C7orf57: variants seen among roughly 807,000 people sequenced by gnomAD.
The protein encoded by C7orf57 is uncharacterized protein C7orf57.
C7orf57 carries 33 observed loss-of-function variants against 39.0 expected under a neutral mutation model. The ratio of observed to expected loss-of-function variants is 0.85; its 90% CI spans 0.64 to 1.13. The LOEUF (loss-of-function observed/expected upper bound fraction) is 1.13, where lower values mean the gene tolerates loss of function less well. C7orf57 is among the 50% of genes most tolerant of loss of function. C7orf57 has a pLI of 0.00. For missense variants in C7orf57, 346 were observed against 362.3 expected (o/e 0.95, Z 0.37); for synonymous variants, 124 against 137.1 (o/e 0.90, Z 0.67).
rs1373079788 is a variant in C7orf57 at position 48,035,555 on chromosome 7, C to A, written c.-177C>A. ...GCGCTGGGAGTTTGGGTTTGGTTGG[C>A]TGCAGCCAGCCAGCCGTGTAAAAAC... On this transcript the variant is annotated 5_prime_UTR_variant, in exon 1 of 9. The change creates a new upstream start codon in the 5' untranslated region. Transcript: ENST00000348904. The surrounding 1 kb of genome is among the most constrained non-coding windows in gnomAD (Gnocchi z 4.0). The A allele has an allele frequency of 1.4e-6, 1 of 698,350 alleles. No individual in the cohort carries two copies. The allele number at this position is 698,350 out of a possible 1,614,324, so 43.3% of individuals were successfully genotyped here.
chr7:48,043,295 A>T (rs901003076), intron 3 of C7orf57, among the ~76,000 whole-genome samples, 186 bp from the exon 4 acceptor site: 1 of 152,156 alleles, frequency 6.6e-6, no homozygotes, highest in Non-Finnish European at 1.5e-5. Flanking sequence ...ACAAAGCAGG[A>T]CGCCCACCTG....
intron 8 of C7orf57, among the ~76,000 whole-genome samples, chr7:48,059,559 C>T (rs1286311257): frequency 6.6e-6 from 1 of 152,202 alleles, no homozygotes; most frequent in African/African-American, 2.4e-5. Flanking sequence ...CCATGTGGCC[C>T]AGGCTGGTCT....
Position 48,040,059 on chromosome 7 carries a change from GT to G in C7orf57, c.56-1274del, listed in dbSNP as rs1790502577. Among the ~76,000 whole-genome samples the G allele has an allele frequency of 2.0e-5, 3 of 152,114 alleles. No homozygotes were observed. The South Asian group carries it at 6.2e-4, about 32-fold the overall frequency. ...CCCCAGATCTCTTCTCTCTGTGGGG[GT>G]CATCAATAAACACTGATAACTCCAG... On this transcript the variant is annotated intron_variant, in intron 2 of 8. Coordinates refer to ENST00000348904, the MANE Select transcript of C7orf57 (RefSeq NM_001100159.3).
At chr7:48,055,587 G>A (rs1373170030) in intron 8 of C7orf57, among the ~76,000 whole-genome samples, 1 of 152,006 alleles carries the variant, frequency 6.6e-6, no homozygotes, top group Non-Finnish European at 1.5e-5. Context: ...GGGAAACTTG[G>A]CACCCTTTGA....
At chr7:48,044,165 G>C (rs948595114) in intron 4 of C7orf57, among the ~76,000 whole-genome samples, 3 of 152,186 alleles carry the variant, frequency 2.0e-5, no homozygotes, top group Admixed American at 1.3e-4. Flanking sequence ...TGCCTCCCTG[G>C]ATCAGAAGTG....
chr7:48,047,170 G>A (rs1343611561), intron 5 of C7orf57, among the ~76,000 whole-genome samples: 3 of 152,152 alleles, frequency 2.0e-5, no homozygotes, highest in Non-Finnish European at 4.4e-5. Flanking sequence ...CTGTTGTTGG[G>A]AAGTCTTGAC....
At chr7:48,052,574 G>A in intron 6 of C7orf57, 126 bp from the exon 7 acceptor site, 1 of 729,618 alleles carries the variant, frequency 1.4e-6, no homozygotes, top group Non-Finnish European at 2.3e-6. Context: ...GAAAGACAGA[G>A]AGAGAGAGGT....
At chr7:48,039,930 T>G (rs1176414534) in intron 2 of C7orf57, among the ~76,000 whole-genome samples, 1 of 152,212 alleles carries the variant, frequency 6.6e-6, no homozygotes, top group African/African-American at 2.4e-5. Context: ...GGGTTTTGTT[T>G]CTAAAGTTTT....
Position 48,041,435 on chromosome 7 carries a change from G to A in C7orf57, c.157G>A (p.Glu53Lys), listed in dbSNP as rs374929652. ...GLSNLGDSHS[E>K]NLPGTRRYWI... is the part of the protein sequence containing the mutation. The stretch of plus-strand genomic sequence containing the variant: ...CAGCAATTTGGGAGACTCACACAGC[G>A]AGAACCTGCCTGGGACTCGGAGATA... The change falls in exon 3 of 9, where the codon GAG becomes AAG. Residue 53 changes from glutamate to lysine, a missense_variant. Glu to Lys is a moderately conservative substitution (Grantham distance 56). Transcript: ENST00000348904. 69 of 1,613,972 alleles carry A rather than the reference G, an allele frequency of 4.3e-5. No homozygotes were observed. In the African/African-American group the frequency reaches 8.0e-4, roughly 19 times the overall value.
chr7:48,041,598 T>C, intron 3 of C7orf57, 79 bp downstream of exon 3: 2 of 1,178,618 alleles, frequency 1.7e-6, no homozygotes, highest in Non-Finnish European at 2.3e-6. Flanking sequence ...TTCTTCCATA[T>C]AAAAATATTA....
intron 8 of C7orf57, among the ~76,000 whole-genome samples, chr7:48,055,626 C>T (rs1168235994): frequency 1.3e-5 from 2 of 152,224 alleles, no homozygotes; most frequent in Non-Finnish European, 2.9e-5. Context: ...CCATCAACTA[C>T]TGCCCCATCC....
intron 4 of C7orf57, among the ~76,000 whole-genome samples, chr7:48,044,355 G>T (rs1212771696): frequency 2.0e-5 from 3 of 152,156 alleles, no homozygotes; most frequent in African/African-American, 7.2e-5. Flanking sequence ...CAATGGGAGG[G>T]GACCCAAAGG....
intron 6 of C7orf57, among the ~76,000 whole-genome samples, chr7:48,051,843 C>CCT (rs1562630187): frequency 1.1e-3 from 67 of 63,234 alleles, no homozygotes; most frequent in Admixed American, 1.4e-3. Context: ...TTCTTTCTTT[C>CCT]TTTCTTTCTT....
intron 8 of C7orf57, 44 bp downstream of exon 8, chr7:48,054,650 T>C: frequency 1.3e-6 from 2 of 1,517,588 alleles, no homozygotes; most frequent in Non-Finnish European, 1.8e-6. Flanking sequence ...CAAAAAGTCT[T>C]ACACAAAGAA....
intron 7 of C7orf57, among the ~76,000 whole-genome samples, chr7:48,053,555 G>T (rs547359131): frequency 2.0e-5 from 3 of 151,938 alleles, no homozygotes; most frequent in Non-Finnish European, 4.4e-5. Flanking sequence ...GGGCTCAAGC[G>T]ATCCTCCCAT....
In C7orf57 at chr7:48,061,290, C is replaced by A. The variant is rs1269945015; in HGVS notation, c.*1018C>A. 1 of 151,958 alleles carries A rather than the reference C, an allele frequency of 6.6e-6. No homozygotes were observed. Among genetic ancestry groups the A allele is most frequent in the East Asian group, 1.9e-4 (1 of 5,188 alleles). The allele number at this position is 151,958 out of a possible 1,614,324, so 9.4% of individuals were successfully genotyped here. On this transcript the variant is annotated 3_prime_UTR_variant, in exon 9 of 9. Coordinates refer to ENST00000348904, the MANE Select transcript of C7orf57 (RefSeq NM_001100159.3). ...GTATGCATTGAATAAAAATAATATA[C>A]AATTAGAGTAAGAAGTTTGTTTTTT...
In C7orf57 at chr7:48,046,386, G is replaced by A. The variant is rs1009762788; in HGVS notation, c.351-74G>A. 19 of 1,399,842 alleles carry A rather than the reference G, an allele frequency of 1.4e-5. No individual in the cohort carries two copies. The East Asian group carries it at 1.7e-4, about 13-fold the overall frequency. 86.7% of individuals were successfully genotyped at this position (1,399,842 alleles called of 1,614,324 possible). ...GGAGGGAGGGAAAGGGAGAGCCAGC[G>A]ATGGAGATGGAAGGAAGGGAGGGAG... is the stretch of plus-strand genomic sequence containing the variant. On this transcript the variant is annotated intron_variant, in intron 4 of 8. Transcript: ENST00000348904.
At chr7:48,037,733 T>C (rs1031453942) in intron 2 of C7orf57, among the ~76,000 whole-genome samples, 6 of 134,492 alleles carry the variant, frequency 4.5e-5, no homozygotes, top group African/African-American at 1.6e-4. Flanking sequence ...AGATAACTCT[T>C]AGTCCCTTTA....
At chr7:48,051,795 T>TTCC (rs1562629838) in intron 6 of C7orf57, among the ~76,000 whole-genome samples, 39 of 77,522 alleles carry the variant, frequency 5.0e-4, no homozygotes, top group South Asian at 9.7e-4. Context: ...TCTTTCTTTC[T>TTCC]TTCCTTCCTT....
Sources: gnomAD v4.1 joint callset for allele counts (sites outside exome capture counted in the v4.1 genomes callset) on GRCh38, gnomAD v4.1.1 for gene constraint, Gnocchi (gnomAD v3.1) non-coding constraint, MANE v1.5 for transcripts, NCBI Gene and HGNC (gene_info 2026-07-23, HGNC 2026-07-21) for gene names.